The following ELAVL2 variants were observed in gnomAD, a reference collection of about 807,000 sequenced individuals.
The protein encoded by ELAVL2 is ELAV like RNA binding protein 2.
Under a neutral mutation model 34.6 loss-of-function variants are expected in ELAVL2, and 4 were observed. The observed-to-expected ratio is 0.12, with a 90% CI of 0.06 to 0.26. The LOEUF (loss-of-function observed/expected upper bound fraction) is 0.26. Ranked by LOEUF, ELAVL2 falls within the 10% of genes least tolerant of loss-of-function variation. ELAVL2 has a pLI of 1.00. For synonymous variants in ELAVL2, 193 were observed against 154.8 expected (o/e 1.25, Z -1.83); for missense variants, 432 against 442.8 (o/e 0.98, Z 0.22).
chr9:23,787,929 G>T (rs1395042972), intron 1 of ELAVL2, among the ~76,000 whole-genome samples: 4 of 152,154 alleles, frequency 2.6e-5, no homozygotes, highest in Non-Finnish European at 4.4e-5. Context: ...AACAGTGGAG[G>T]TGCTGAGGCA....
chr9:23,802,203 G>C (rs954216458), intron 1 of ELAVL2, among the ~76,000 whole-genome samples: 4 of 152,182 alleles, frequency 2.6e-5, no homozygotes, highest in African/African-American at 9.7e-5. Context: ...TTTAGCTCAT[G>C]TGACCTTCCA....
chr9:23,759,772 ATATATATATATATATAT>A (rs2054506168), intron 2 of ELAVL2, among the ~76,000 whole-genome samples: 5 of 136,156 alleles, frequency 3.7e-5, no homozygotes, highest in Non-Finnish European at 7.9e-5. Context: ...ATATATATAT[ATATATATATATATATAT>A]AATGTATAGA....
chr9:23,794,748 G>C (rs1200242916), intron 1 of ELAVL2, among the ~76,000 whole-genome samples: 1 of 152,136 alleles, frequency 6.6e-6, no homozygotes, highest in African/African-American at 2.4e-5. Context: ...TTCAGATCCA[G>C]TACACCAACC....
intron 2 of ELAVL2, among the ~76,000 whole-genome samples, chr9:23,736,481 G>C (rs571299607): frequency 4.6e-5 from 7 of 152,276 alleles, no homozygotes; most frequent in Admixed American, 1.3e-4. Context: ...GGGTGAGAGT[G>C]GGGAGGGGAG....
At chr9:23,805,165 T>A (rs1272826922) in intron 1 of ELAVL2, among the ~76,000 whole-genome samples, 1 of 152,100 alleles carries the variant, frequency 6.6e-6, no homozygotes, top group Non-Finnish European at 1.5e-5. Context: ...TCAAAAATGA[T>A]AAACAAAAGA....
chr9:23,747,570 A>G (rs1005262610), intron 2 of ELAVL2, among the ~76,000 whole-genome samples: 2 of 152,134 alleles, frequency 1.3e-5, no homozygotes, highest in African/African-American at 4.8e-5. Flanking sequence ...TTTAATCAAG[A>G]CAAGACCTTA....
At chr9:23,781,320 G>A (rs985988858) in intron 1 of ELAVL2, among the ~76,000 whole-genome samples, 1 of 152,010 alleles carries the variant, frequency 6.6e-6, no homozygotes, top group Non-Finnish European at 1.5e-5. Flanking sequence ...TGCAACCTGA[G>A]AAATTCAAAT....
At chr9:23,789,264 A>G (rs2060063491) in intron 1 of ELAVL2, among the ~76,000 whole-genome samples, 1 of 152,184 alleles carries the variant, frequency 6.6e-6, no homozygotes, top group Admixed American at 6.5e-5. Context: ...CCCAGACACT[A>G]GACGCAGCCA....
At chr9:23,779,682 G>A (rs147199558) in intron 1 of ELAVL2, among the ~76,000 whole-genome samples, 3 of 151,820 alleles carry the variant, frequency 2.0e-5, no homozygotes, top group Non-Finnish European at 4.4e-5. Context: ...TGAACAAAGA[G>A]GAGGAGACAC....
At chr9:23,761,959 T>G in intron 2 of ELAVL2, 47 bp downstream of exon 2, 1 of 1,552,798 alleles carries the variant, frequency 6.4e-7, no homozygotes, top group South Asian at 1.3e-5. Context: ...TCTCCTATCT[T>G]GAGACACGAT....
chr9:23,821,663 G>C (rs2064760612), intron 1 of ELAVL2: 1 of 152,618 alleles, frequency 6.6e-6, no homozygotes, highest in South Asian at 1.9e-4. Context: ...CAGCACTGCC[G>C]CGGAGGAGTC....
chr9:23,834,832 A>T, the ELAVL2 span, among the ~76,000 whole-genome samples: 128 of 152,168 alleles, frequency 8.4e-4, 1 homozygote, highest in Admixed American at 1.8e-3. Context: ...CACCCATAAA[A>T]AGTTGTGGGT....
intron 2 of ELAVL2, among the ~76,000 whole-genome samples, chr9:23,758,728 G>A (rs978704011): frequency 6.6e-6 from 1 of 152,026 alleles, no homozygotes; most frequent in Non-Finnish European, 1.5e-5. Context: ...CCCCAAATAG[G>A]CTCTATGATC....
At position 23,761,999 on chromosome 9, in the gene ELAVL2, T is replaced by C. The variant is rs1056340891; in HGVS notation, c.229+7A>G. 1.2e-6 allele frequency: 2 copies of C among 1,608,984 alleles called. No homozygotes were observed. Among genetic ancestry groups the C allele is most frequent in the Non-Finnish European group, 1.7e-6 (2 of 1,177,146 alleles). The stretch of plus-strand genomic sequence containing the variant: ...TAAATATAAATCATCTACATAAAAC[T>C]GCTTACCTGTTATTTTGTCTCTTAC... On this transcript the variant is annotated splice_region_variant and intron_variant, in intron 2 of 6. Coordinates refer to ENST00000397312, the MANE Select transcript of ELAVL2 (RefSeq NM_004432.5).
At chr9:23,726,090 T>C (rs901470163) in intron 3 of ELAVL2, among the ~76,000 whole-genome samples, 1 of 151,970 alleles carries the variant, frequency 6.6e-6, no homozygotes. Flanking sequence ...AAAAAAAGTA[T>C]AAATATGACA....
chr9:23,779,252 C>T (rs979762708), intron 1 of ELAVL2: 1 of 985,400 alleles, frequency 1.0e-6, no homozygotes, highest in Non-Finnish European at 1.2e-6. Context: ...ACTTTTTCTG[C>T]TGCTTTTGGT....
intron 2 of ELAVL2, among the ~76,000 whole-genome samples, chr9:23,746,332 T>A (rs964797496): frequency 6.6e-6 from 1 of 152,096 alleles, no homozygotes; most frequent in South Asian, 2.1e-4. Context: ...AAAACACTGA[T>A]AGAAAAAGAT....
Position 23,692,243 on chromosome 9 carries a change from A to G in ELAVL2, c.*314T>C, listed in dbSNP as rs1455952707. The G allele has an allele frequency of 1.3e-5, 3 of 228,104 alleles. No homozygotes were observed. The allele number at this position is 228,104 out of a possible 1,614,324, so 14.1% of individuals were successfully genotyped here. On this transcript the variant is annotated 3_prime_UTR_variant, in exon 7 of 7. Transcript: ENST00000397312. ...ACTCACAGGTTCAAGGCAGTTATGTAAAAAGAAAAGAAATGTCTTCCCTTA... is the reference window on the plus strand; with the variant it reads ...ACTCACAGGTTCAAGGCAGTTATGTGAAAAGAAAAGAAATGTCTTCCCTTA...
chr9:23,707,425 T>TA (rs1563985759), intron 3 of ELAVL2, among the ~76,000 whole-genome samples: 2 of 152,206 alleles, frequency 1.3e-5, no homozygotes, highest in Non-Finnish European at 2.9e-5. Flanking sequence ...AGTCAGCTGT[T>TA]ACTCTGTTCC....
Sources: gnomAD v4.1 joint callset for allele counts (sites outside exome capture counted in the v4.1 genomes callset) on GRCh38, gnomAD v4.1.1 for gene constraint, MANE v1.5 for transcripts, NCBI Gene and HGNC (gene_info 2026-07-23, HGNC 2026-07-21) for gene names.